The following CELF2 variants were observed in gnomAD, a reference collection of about 807,000 sequenced individuals.
CELF2 encodes the protein CUGBP Elav-like family member 2.
A neutral mutation model predicts 62.6 loss-of-function variants in CELF2; 8 were observed. That is an observed-to-expected ratio of 0.13 (90% confidence interval 0.07 to 0.23). The LOEUF is 0.23. Among genes scored for constraint, CELF2 ranks in the 10% least tolerant of loss-of-function variants. The pLI is 1.00. For missense variants in CELF2, 333 were observed against 671.0 expected, an observed-to-expected ratio of 0.50 and a Z score of 5.56; for synonymous variants, 258 against 250.0, an observed-to-expected ratio of 1.03 and a Z score of -0.30.
At chr10:10,590,789 A>C in the CELF2 span, among the ~76,000 whole-genome samples, 1 of 152,118 alleles carries the variant, frequency 6.6e-6, no homozygotes, top group Admixed American at 6.6e-5. Context: ...AAATTCTTCA[A>C]CTGATGCTTT....
intron 3 of CELF2, among the ~76,000 whole-genome samples, chr10:11,219,502 A>G (rs1400169886): frequency 6.6e-6 from 1 of 152,166 alleles, no homozygotes; most frequent in Non-Finnish European, 1.5e-5. Context: ...CTCCTTATCT[A>G]GTTTCATATG....
chr10:10,559,457 G>A, the CELF2 span, among the ~76,000 whole-genome samples: 1 of 152,180 alleles, frequency 6.6e-6, no homozygotes, highest in Non-Finnish European at 1.5e-5. Context: ...CTAGCACAGC[G>A]TTTGACATAT....
rs78979287 is a variant in CELF2 at position 10,852,629 on chromosome 10, C to T, written c.53+53812C>T. On this transcript the variant is annotated intron_variant, in intron 1 of 13. Coordinates refer to the CELF2 transcript ENST00000636488. ...ATACAAAACTGGGGAAATCTGAATACGATCCATGGATTGAATCACTGTCCA... is the reference window on the plus strand; with the variant it reads ...ATACAAAACTGGGGAAATCTGAATATGATCCATGGATTGAATCACTGTCCA... 7.7e-3 allele frequency among the ~76,000 whole-genome samples: 1,171 copies of T among 152,208 alleles called. 14 individuals carry two copies. The highest frequency in any genetic ancestry group is 0.027 in the African/African-American group (1,106 of 41,538).
At chr10:10,714,666 T>TC in the CELF2 span, among the ~76,000 whole-genome samples, 1 of 152,156 alleles carries the variant, frequency 6.6e-6, no homozygotes, top group Non-Finnish European at 1.5e-5. Context: ...GATGGGGGAT[T>TC]TTTGATGAGT....
At chr10:10,920,740 T>G (rs1266305911) in intron 2 of CELF2, among the ~76,000 whole-genome samples, 11 of 106,540 alleles carry the variant, frequency 1.0e-4, no homozygotes, top group Admixed American at 3.9e-4. Context: ...GGAGAAGAGA[T>G]GGGGGTAAGA....
chr10:11,086,616 G>T (rs536724017), intron 1 of CELF2, among the ~76,000 whole-genome samples: 2 of 76,164 alleles, frequency 2.6e-5, no homozygotes, highest in South Asian at 5.9e-4. Flanking sequence ...AAAAACTCCC[G>T]ACAGCACCAG....
At chr10:10,672,558 C>CT in the CELF2 span, among the ~76,000 whole-genome samples, 1 of 148,880 alleles carries the variant, frequency 6.7e-6, no homozygotes. Context: ...AATATTATGT[C>CT]TTCTCCATCT....
At chr10:11,056,648 G>C (rs1046649763) in intron 1 of CELF2, among the ~76,000 whole-genome samples, 7 of 152,178 alleles carry the variant, frequency 4.6e-5, no homozygotes, top group Admixed American at 1.3e-4. Flanking sequence ...TGTTTACAAA[G>C]CATATTGATT....
At chr10:10,713,527 C>A in the CELF2 span, among the ~76,000 whole-genome samples, 1 of 152,228 alleles carries the variant, frequency 6.6e-6, no homozygotes, top group Non-Finnish European at 1.5e-5. Context: ...GTGCAGTTAT[C>A]CATGTTGAGA....
chr10:11,326,015 G>C (rs765224617), intron 12 of CELF2, 36 bp downstream of exon 12: 1 of 1,585,100 alleles, frequency 6.3e-7, no homozygotes, highest in Non-Finnish European at 8.6e-7. Context: ...TATTGCAGTA[G>C]GTTCCCAAGT....
the CELF2 span, among the ~76,000 whole-genome samples, chr10:10,675,762 T>G: frequency 6.6e-6 from 1 of 152,146 alleles, no homozygotes; most frequent in South Asian, 2.1e-4. Flanking sequence ...ATTAAAGGCA[T>G]TCTTCCATTT....
intron 2 of CELF2, chr10:11,171,233 T>C (rs554828113): frequency 6.6e-6 from 1 of 152,318 alleles, no homozygotes; most frequent in South Asian, 2.1e-4. Flanking sequence ...AGAAATTGTA[T>C]TCATGGCTTC....
In CELF2 at chr10:11,302,722, T is replaced by C. The variant is rs922810941; in HGVS notation, c.977-11417T>C. On this transcript the variant is annotated intron_variant, in intron 9 of 12. Transcript: ENST00000633077. This position sits in a 1 kb window ranked among gnomAD's most constrained non-coding sequence, Gnocchi z 5.0. ...TCCCCGGGAGAGAAAGTAAAAGCTG[T>C]TTCCATTTTAAGCTTAATGGGGCTT... Among the ~76,000 whole-genome samples the C allele has an allele frequency of 2.6e-5, 4 of 152,180 alleles. No homozygotes were observed. The highest frequency in any genetic ancestry group is 9.7e-5 in the African/African-American group (4 of 41,430).
At chr10:10,540,412 G>A in the CELF2 span, among the ~76,000 whole-genome samples, 2 of 152,156 alleles carry the variant, frequency 1.3e-5, no homozygotes, top group African/African-American at 4.8e-5. Flanking sequence ...GGGGGCTATT[G>A]CAACAGTCAT....
At chr10:10,811,663 C>T (rs192406794) in intron 1 of CELF2, among the ~76,000 whole-genome samples, 14 of 152,252 alleles carry the variant, frequency 9.2e-5, no homozygotes, top group Non-Finnish European at 2.1e-4. Context: ...GGGCCTGTGT[C>T]AGGTATTGGC....
the CELF2 span, among the ~76,000 whole-genome samples, chr10:10,660,318 C>G: frequency 6.6e-6 from 1 of 152,250 alleles, no homozygotes; most frequent in Admixed American, 6.5e-5. Flanking sequence ...AGTGGAGGCT[C>G]AAAAAGGATA....
At chr10:10,630,762 G>A in the CELF2 span, among the ~76,000 whole-genome samples, 2 of 152,134 alleles carry the variant, frequency 1.3e-5, no homozygotes, top group African/African-American at 2.4e-5. Flanking sequence ...GCATTTATAG[G>A]GTCTGCAATG....
chr10:11,264,170 G>A (rs1007046001), intron 5 of CELF2, among the ~76,000 whole-genome samples: 29 of 152,174 alleles, frequency 1.9e-4, no homozygotes, highest in African/African-American at 6.8e-4. Context: ...TTGCACGGTT[G>A]TTAGAGGAAA....
chr10:10,577,265 G>A, the CELF2 span, among the ~76,000 whole-genome samples: 1 of 152,064 alleles, frequency 6.6e-6, no homozygotes, highest in Non-Finnish European at 1.5e-5. Context: ...GGAATCAAAG[G>A]TTGATAAATC....
Sources: gnomAD v4.1 joint callset for allele counts (sites outside exome capture counted in the v4.1 genomes callset) on GRCh38, gnomAD v4.1.1 for gene constraint, Gnocchi (gnomAD v3.1) non-coding constraint, MANE v1.5 for transcripts, NCBI Gene and HGNC (gene_info 2026-07-23, HGNC 2026-07-21) for gene names.